Variants in MTA3 observed in about 807,000 individuals in gnomAD.
MTA3 encodes the protein metastasis associated 1 family member 3.
Under a neutral mutation model 83.5 loss-of-function variants are expected in MTA3, and 34 were observed. The observed-to-expected ratio is 0.41, with a 90% CI of 0.31 to 0.54. The LOEUF (loss-of-function observed/expected upper bound fraction) is 0.54. Ranked by LOEUF, MTA3 falls within the 20% of genes least tolerant of loss-of-function variation. The pLI is 0.33. For missense variants in MTA3, 761 were observed against 726.4 expected (o/e 1.05, Z -0.55); for synonymous variants, 303 against 252.7 (o/e 1.20, Z -1.89).
At chr2:42,607,247 A>G (rs1245230692) in intron 3 of MTA3, among the ~76,000 whole-genome samples, 1 of 152,202 alleles carries the variant, frequency 6.6e-6, no homozygotes, top group African/African-American at 2.4e-5. Flanking sequence ...AGTTAACTGT[A>G]GAGTAGAGCA....
chr2:42,517,720 A>G (rs1418226825), intron 2 of MTA3, among the ~76,000 whole-genome samples: 1 of 150,928 alleles, frequency 6.6e-6, no homozygotes, highest in East Asian at 2.0e-4. Context: ...TCTACTAAAA[A>G]TACACAAATT....
chr2:42,636,622 CTTTCTTTTTTT>C, intron 4 of MTA3, among the ~76,000 whole-genome samples: 1 of 145,714 alleles, frequency 6.9e-6, no homozygotes, highest in South Asian at 2.2e-4. Flanking sequence ...CTTTCTCTTT[CTTTCTTTTTTT>C]TTTTTTTTTT....
rs1272247111 is a variant in MTA3 at position 42,570,612 on chromosome 2, T to C, written c.96+108T>C. 5.3e-6 allele frequency: 3 copies of C among 561,398 alleles called. No homozygotes were observed. In the Admixed American group the frequency reaches 1.0e-4, roughly 19 times the overall value. 34.8% of individuals were successfully genotyped at this position (561,398 alleles called of 1,614,324 possible). A position where few individuals can be genotyped will look rare whatever the true frequency, so the allele number is the denominator to read the frequency against. ...TGGGGGCTCATGCCTGCAATCCCAG[T>C]AAATTGGGAGGCCTGGCGAGTGGAT... On this transcript the variant is annotated intron_variant, in intron 2 of 16. Coordinates refer to ENST00000405094, the MANE Select transcript of MTA3 (RefSeq NM_001330442.2).
intron 5 of MTA3, among the ~76,000 whole-genome samples, chr2:42,642,356 G>T (rs1259207819): frequency 6.6e-6 from 1 of 151,980 alleles, no homozygotes; most frequent in African/African-American, 2.4e-5. Context: ...AAGTATCTCT[G>T]CATTTAAATC....
At chr2:42,522,368 G>C (rs1402049495) in intron 2 of MTA3, among the ~76,000 whole-genome samples, 1 of 152,128 alleles carries the variant, frequency 6.6e-6, no homozygotes, top group Non-Finnish European at 1.5e-5. Flanking sequence ...TGTGGCTCTT[G>C]CTATGAGGCT....
At chr2:42,644,427 T>C (rs954748398) in intron 6 of MTA3, among the ~76,000 whole-genome samples, 183 bp downstream of exon 6, 2 of 152,236 alleles carry the variant, frequency 1.3e-5, no homozygotes, top group Non-Finnish European at 2.9e-5. Context: ...GGCCTCGCTA[T>C]GTTGCCAAGG....
At chr2:42,501,763 C>T (rs1330813482) in intron 2 of MTA3, among the ~76,000 whole-genome samples, 5 of 152,040 alleles carry the variant, frequency 3.3e-5, no homozygotes, top group Admixed American at 6.6e-5. Flanking sequence ...GGATCACTTG[C>T]GGTCAGGAGT....
chr2:42,591,237 T>G (rs4297935), intron 3 of MTA3, among the ~76,000 whole-genome samples: 116,972 of 152,110 alleles, frequency 0.77, 45,604 homozygotes, highest in African/African-American at 0.89. Flanking sequence ...GGGTATTTGT[T>G]TATCTAAACA....
rs2103861845 is a variant in MTA3, at chr2:42,577,274, T to A, written c.97-1833T>A. Among the ~76,000 whole-genome samples, 2 of 151,440 alleles carry A rather than the reference T, an allele frequency of 1.3e-5. 1 individual carries two copies. Among genetic ancestry groups the A allele is most frequent in the South Asian group, 4.2e-4 (2 of 4,800 alleles). ...CTTCAGAAGAATGCTGGAGAGGGTG[T>A]GTTTGTAGAGGGGAAGAGGAATATG... On this transcript the variant is annotated intron_variant, in intron 2 of 16. Transcript: ENST00000405094.
At chr2:42,638,006 T>G (rs1211704857) in intron 4 of MTA3, among the ~76,000 whole-genome samples, 2 of 152,124 alleles carry the variant, frequency 1.3e-5, no homozygotes, top group African/African-American at 4.8e-5. Flanking sequence ...ACAGATTTCT[T>G]TTTTTCTTCT....
At chr2:42,632,938 C>T (rs950130193) in intron 4 of MTA3, among the ~76,000 whole-genome samples, 13 of 151,254 alleles carry the variant, frequency 8.6e-5, no homozygotes, top group Non-Finnish European at 1.3e-4. Flanking sequence ...TAAAGATTTC[C>T]AGATTTAATT....
intron 4 of MTA3, among the ~76,000 whole-genome samples, chr2:42,611,016 C>G (rs1169610947): frequency 7.1e-6 from 1 of 140,154 alleles, no homozygotes; most frequent in Admixed American, 7.5e-5. Flanking sequence ...GAGTCTTGCT[C>G]TGTCACCCAG....
intron 4 of MTA3, among the ~76,000 whole-genome samples, chr2:42,621,134 T>TG (rs1685490491): frequency 6.7e-6 from 1 of 149,940 alleles, no homozygotes; most frequent in Non-Finnish European, 1.5e-5. Context: ...TTATTAGAGT[T>TG]TTTTTTTTTT....
In MTA3 at chr2:42,753,782, C is replaced by T. The variant is rs779632954; in HGVS notation, c.*383C>T. On this transcript the variant is annotated 3_prime_UTR_variant, in exon 17 of 17. Transcript: ENST00000405094. ...GAGCCGCTGCCACCCTGCATGTGTC[C>T]GCTCAGCTCGGTCTTATGCTGTATA... 2.4e-4 allele frequency: 261 copies of T among 1,108,868 alleles called. 2 individuals carry two copies. The highest frequency in any genetic ancestry group is 2.2e-3 in the South Asian group (88 of 40,114). The allele number at this position is 1,108,868 out of a possible 1,614,324, so 68.7% of individuals were successfully genotyped here. A position where few individuals can be genotyped will look rare whatever the true frequency, so the allele number is the denominator to read the frequency against.
chr2:42,501,705 C>T (rs999946860), intron 2 of MTA3, among the ~76,000 whole-genome samples: 3 of 152,162 alleles, frequency 2.0e-5, no homozygotes, highest in African/African-American at 4.8e-5. Context: ...CAGCTGGTCA[C>T]GGTGGCTCAT....
rs1406861419 is a variant in MTA3 at position 42,682,387 on chromosome 2, T to G, written c.703-14T>G. On this transcript the variant is annotated splice_polypyrimidine_tract_variant and intron_variant, in intron 8 of 16. Coordinates refer to ENST00000405094, the MANE Select transcript of MTA3 (RefSeq NM_001330442.2). ...ATTTCTGGTTGATATTTTCTGTTCATTTTGTTTCTTTAGTTTCACGCTATG... is the reference window on the plus strand; with the variant it reads ...ATTTCTGGTTGATATTTTCTGTTCAGTTTGTTTCTTTAGTTTCACGCTATG... 6.4e-7 allele frequency: 1 copy of G among 1,550,480 alleles called. No individual in the cohort carries two copies. The highest frequency in any genetic ancestry group is 8.8e-7 in the Non-Finnish European group (1 of 1,142,210).
chr2:42,518,147 C>T (rs927865117), intron 2 of MTA3, among the ~76,000 whole-genome samples: 4 of 152,100 alleles, frequency 2.6e-5, no homozygotes, highest in African/African-American at 9.7e-5. Context: ...CACCATTGCA[C>T]TCCAGCCTGG....
intron 4 of MTA3, among the ~76,000 whole-genome samples, chr2:42,617,373 T>C (rs1390741660): frequency 1.3e-5 from 2 of 152,216 alleles, no homozygotes; most frequent in Non-Finnish European, 1.5e-5. Flanking sequence ...TTATTTTTTC[T>C]CTGAGTTTTC....
chr2:42,754,520 G>T lies in MTA3; in HGVS notation c.*1121G>T. On this transcript the variant is annotated 3_prime_UTR_variant, in exon 17 of 17. Coordinates refer to ENST00000405094, the MANE Select transcript of MTA3 (RefSeq NM_001330442.2). ...GCATCACAGTTGGCCACTCAGCTGTGCTGAGTAGCTGTGCTACTTGTGCTG... is the reference window on the plus strand; with the variant it reads ...GCATCACAGTTGGCCACTCAGCTGTTCTGAGTAGCTGTGCTACTTGTGCTG... 1.0e-6 allele frequency: 1 copy of T among 983,270 alleles called. No homozygotes were observed. Among genetic ancestry groups the T allele is most frequent in the Non-Finnish European group, 1.2e-6 (1 of 829,954 alleles). The allele number at this position is 983,270 out of a possible 1,614,324, so 60.9% of individuals were successfully genotyped here.
Sources: gnomAD v4.1 joint callset for allele counts (sites outside exome capture counted in the v4.1 genomes callset) on GRCh38, gnomAD v4.1.1 for gene constraint, MANE v1.5 for transcripts, NCBI Gene and HGNC (gene_info 2026-07-23, HGNC 2026-07-21) for gene names.